Variants in TAFA4 observed in about 807,000 individuals in gnomAD.
TAFA4 encodes TAFA chemokine like family member 4.
In TAFA4, 20 loss-of-function variants were observed where a neutral mutation model predicts 21.1. The ratio of observed to expected loss-of-function variants is 0.95; its 90% CI spans 0.67 to 1.38. The LOEUF (loss-of-function observed/expected upper bound fraction) is 1.38, where lower values mean the gene tolerates loss of function less well. TAFA4 is among the 40% of genes most tolerant of loss of function. TAFA4 has a pLI of 0.00. For synonymous variants in TAFA4, 71 were observed against 67.4 expected (o/e 1.05, Z -0.26); for missense variants, 211 against 180.9 (o/e 1.17, Z -0.95).
chr3:68,904,905 G>A (rs973903029), intron 1 of TAFA4, among the ~76,000 whole-genome samples: 2 of 152,198 alleles, frequency 1.3e-5, no homozygotes, highest in African/African-American at 4.8e-5. Flanking sequence ...GCTAGGGATG[G>A]GAACTGGCCT....
intron 4 of TAFA4, among the ~76,000 whole-genome samples, chr3:68,747,207 C>A (rs1559757377): frequency 6.6e-6 from 1 of 152,106 alleles, no homozygotes; most frequent in Admixed American, 6.6e-5. Flanking sequence ...ATGGGCAATT[C>A]CATGAATTTA....
At chr3:68,807,014 A>G (rs1284857005) in intron 3 of TAFA4, among the ~76,000 whole-genome samples, 1 of 152,232 alleles carries the variant, frequency 6.6e-6, no homozygotes. Flanking sequence ...AAGTCCTGCC[A>G]ATGCACTTCT....
chr3:68,854,266 G>A (rs568974158), intron 3 of TAFA4, among the ~76,000 whole-genome samples: 3 of 152,064 alleles, frequency 2.0e-5, no homozygotes, highest in South Asian at 4.2e-4. Context: ...AGGAAGGCTC[G>A]TGTGGCTGAA....
At chr3:68,841,479 C>A (rs545560229) in intron 3 of TAFA4, among the ~76,000 whole-genome samples, 4 of 152,132 alleles carry the variant, frequency 2.6e-5, no homozygotes, top group Non-Finnish European at 5.9e-5. Flanking sequence ...AATCACAATG[C>A]GTGACTATCA....
intron 3 of TAFA4, among the ~76,000 whole-genome samples, chr3:68,771,450 C>A (rs1166422910): frequency 2.0e-5 from 3 of 152,224 alleles, no homozygotes; most frequent in African/African-American, 7.2e-5. Context: ...GCATGCTCCC[C>A]TTTGGGGTTT....
intron 3 of TAFA4, among the ~76,000 whole-genome samples, chr3:68,873,699 G>C (rs116645916): frequency 0.031 from 4,747 of 152,222 alleles, 263 homozygotes; most frequent in African/African-American, 0.11. Flanking sequence ...ACCAGCCTTT[G>C]AAAGTGCCAC....
intron 3 of TAFA4, among the ~76,000 whole-genome samples, chr3:68,774,740 C>T (rs191376941): frequency 6.6e-6 from 1 of 152,238 alleles, no homozygotes; most frequent in Admixed American, 6.5e-5. Context: ...TATGAGAAAA[C>T]ATGAGAGATC....
At chr3:68,776,127 G>A (rs1409519507) in intron 3 of TAFA4, among the ~76,000 whole-genome samples, 1 of 152,012 alleles carries the variant, frequency 6.6e-6, no homozygotes, top group African/African-American at 2.4e-5. Flanking sequence ...AAGAGAGGCA[G>A]CAAGCAGAAA....
chr3:68,736,976 C>G (rs184216590), intron 5 of TAFA4, among the ~76,000 whole-genome samples: 16 of 152,246 alleles, frequency 1.1e-4, no homozygotes, highest in Admixed American at 9.2e-4. Flanking sequence ...GAGGATTTAG[C>G]TACAGCAAAC....
At chr3:68,920,102 T>G (rs2090043627) in intron 1 of TAFA4, among the ~76,000 whole-genome samples, 1 of 152,212 alleles carries the variant, frequency 6.6e-6, no homozygotes, top group Admixed American at 6.5e-5. Flanking sequence ...AAAATCTGAA[T>G]GCCCATCTGT....
At chr3:68,749,054 C>T (rs1702513583) in intron 4 of TAFA4, among the ~76,000 whole-genome samples, 1 of 152,210 alleles carries the variant, frequency 6.6e-6, no homozygotes, top group Non-Finnish European at 1.5e-5. Flanking sequence ...GAATAGCTGT[C>T]TGTTTTAGGA....
chr3:68,746,378 C>G (rs531822060), intron 4 of TAFA4, among the ~76,000 whole-genome samples: 7 of 152,146 alleles, frequency 4.6e-5, no homozygotes, highest in Admixed American at 2.0e-4. Flanking sequence ...TCTAGAGAAC[C>G]CTAATACACA....
chr3:68,807,232 T>A (rs1276346936), intron 3 of TAFA4, among the ~76,000 whole-genome samples: 1 of 152,190 alleles, frequency 6.6e-6, no homozygotes, highest in Non-Finnish European at 1.5e-5. Flanking sequence ...GGGTTTATCC[T>A]CTTCCAGTGC....
intron 3 of TAFA4, among the ~76,000 whole-genome samples, chr3:68,815,616 G>A (rs1324915060): frequency 6.6e-6 from 1 of 152,174 alleles, no homozygotes; most frequent in Non-Finnish European, 1.5e-5. Context: ...ACAACGAGAT[G>A]CCATCTCACA....
chr3:68,769,056 G>T (rs1482266563), intron 3 of TAFA4, among the ~76,000 whole-genome samples: 1 of 152,200 alleles, frequency 6.6e-6, no homozygotes, highest in African/African-American at 2.4e-5. Context: ...CCATAAACAG[G>T]TACCAGTTTG....
At chr3:68,765,299 A>ATAAG (rs1702830202) in intron 3 of TAFA4, among the ~76,000 whole-genome samples, 2 of 152,190 alleles carry the variant, frequency 1.3e-5, no homozygotes, top group Admixed American at 1.3e-4. Flanking sequence ...GAAATTGGTG[A>ATAAG]TAAGTTTCTA....
At chr3:68,745,924 G>T (rs1241264874) in intron 4 of TAFA4, among the ~76,000 whole-genome samples, 1 of 152,172 alleles carries the variant, frequency 6.6e-6, no homozygotes, top group Admixed American at 6.5e-5. Context: ...GTATGCCTGT[G>T]AGGGTGTTGC....
At chr3:68,897,890 G>C (rs1447451321) in intron 1 of TAFA4, among the ~76,000 whole-genome samples, 1 of 152,112 alleles carries the variant, frequency 6.6e-6, no homozygotes, top group Admixed American at 6.5e-5. Flanking sequence ...CTTTCCAAAT[G>C]AAAAATGTTA....
At chr3:68,808,659 C>T (rs1703757875) in intron 3 of TAFA4, among the ~76,000 whole-genome samples, 1 of 152,184 alleles carries the variant, frequency 6.6e-6, no homozygotes, top group Admixed American at 6.5e-5. Context: ...TGGTTCAGTT[C>T]AATTTCCACA....
Sources: gnomAD v4.1 joint callset for allele counts (sites outside exome capture counted in the v4.1 genomes callset) on GRCh38, gnomAD v4.1.1 for gene constraint, MANE v1.5 for transcripts, NCBI Gene and HGNC (gene_info 2026-07-23, HGNC 2026-07-21) for gene names.